The following HSF5 variants were observed in gnomAD, a reference collection of about 807,000 sequenced individuals.
HSF5 encodes heat shock transcription factor 5.
Under a neutral mutation model 50.8 loss-of-function variants are expected in HSF5, and 5 were observed. The ratio of observed to expected loss-of-function variants is 0.10; its 90% confidence interval spans 0.05 to 0.21. The LOEUF (loss-of-function observed/expected upper bound fraction) is 0.21, where lower values mean the gene tolerates loss of function less well. Among genes scored for constraint, HSF5 ranks in the 10% least tolerant of loss-of-function variants. The pLI is 1.00. For missense variants in HSF5, 564 were observed against 762.6 expected (o/e 0.74, Z 3.07); for synonymous variants, 307 against 307.4 (o/e 1.00, Z 0.02).
chr17:58,446,457 T>C (rs1224733602), intron 5 of HSF5, among the ~76,000 whole-genome samples: 1 of 152,134 alleles, frequency 6.6e-6, no homozygotes, highest in East Asian at 1.9e-4. Flanking sequence ...CATTTGAACT[T>C]AGTACTGGTG....
At chr17:58,480,614 G>A (rs1308002009) in intron 1 of HSF5, among the ~76,000 whole-genome samples, 3 of 151,954 alleles carry the variant, frequency 2.0e-5, no homozygotes, top group African/African-American at 7.3e-5. Context: ...TTTTTCCAAC[G>A]TGTAAGCTAC....
intron 3 of HSF5, among the ~76,000 whole-genome samples, chr17:58,466,478 C>T (rs1371200638): frequency 6.6e-6 from 1 of 152,090 alleles, no homozygotes; most frequent in South Asian, 2.1e-4. Context: ...AATTCAGTAC[C>T]CATAAGCCAT....
At chr17:58,443,494 G>A (rs966528967) in intron 5 of HSF5, among the ~76,000 whole-genome samples, 1 of 152,106 alleles carries the variant, frequency 6.6e-6, no homozygotes, top group African/African-American at 2.4e-5. Flanking sequence ...CAACTTGCCT[G>A]CTCTCGAGCC....
rs141434036 is a variant in HSF5, at chr17:58,439,275, A to C, written c.1721-16845T>G. 6.2e-3 allele frequency among the ~76,000 whole-genome samples: 908 copies of C among 146,902 alleles called. 5 individuals are homozygous for C. Among genetic ancestry groups the C allele is most frequent in the African/African-American group, 1.0e-2 (407 of 40,800 alleles). ...AATAGGGAAGAAAGCCAATGGAAAA[A>C]AAAAACAAAAACAACAACAACCAAA... On this transcript the variant is annotated intron_variant, in intron 5 of 5. Transcript: ENST00000323777.
chr17:58,439,890 A>G (rs1303217619), intron 5 of HSF5, among the ~76,000 whole-genome samples: 8 of 152,338 alleles, frequency 5.3e-5, no homozygotes, highest in African/African-American at 1.9e-4. Context: ...ACAAAATTGA[A>G]AGAAAAAAAC....
Position 58,445,082 on chromosome 17 carries a change from C to T in HSF5, c.1720+13686G>A, listed in dbSNP as rs73317753. On this transcript the variant is annotated intron_variant, in intron 5 of 5. Transcript: ENST00000323777. ...TCACTGAGATGGCTACTTACAGAAG[C>T]CTTCCTTAAAAAAATCCAGGAAATA... 8.9e-3 allele frequency among the ~76,000 whole-genome samples: 1,348 copies of T among 152,112 alleles called. 22 individuals are homozygous for T. The highest frequency in any genetic ancestry group is 0.03 in the African/African-American group (1,250 of 41,492).
At chr17:58,439,980 A>T (rs1567907629) in intron 5 of HSF5, among the ~76,000 whole-genome samples, 2 of 148,732 alleles carry the variant, frequency 1.3e-5, no homozygotes, top group Non-Finnish European at 3.0e-5. Flanking sequence ...AGAGGTAAGA[A>T]TTTTTTTTTT....
chr17:58,451,238 T>C (rs998436052), intron 5 of HSF5, among the ~76,000 whole-genome samples: 17 of 152,212 alleles, frequency 1.1e-4, no homozygotes, highest in African/African-American at 4.1e-4. Context: ...AAAATAATAA[T>C]AGTAGAGGAC....
chr17:58,428,021 A>G (rs1974316822), intron 5 of HSF5, among the ~76,000 whole-genome samples: 1 of 152,258 alleles, frequency 6.6e-6, no homozygotes, highest in Non-Finnish European at 1.5e-5. Flanking sequence ...ATAAAACTTT[A>G]TGGACATTGA....
At chr17:58,442,233 G>A (rs1203431111) in intron 5 of HSF5, among the ~76,000 whole-genome samples, 2 of 152,166 alleles carry the variant, frequency 1.3e-5, no homozygotes, top group African/African-American at 4.8e-5. Context: ...GTGGGTACAT[G>A]GTCACCTAGC....
intron 5 of HSF5, among the ~76,000 whole-genome samples, chr17:58,434,279 T>C (rs1224733921): frequency 6.6e-6 from 1 of 151,778 alleles, no homozygotes; most frequent in Non-Finnish European, 1.5e-5. Context: ...TTATCTAACA[T>C]AAAAGATAAA....
intron 5 of HSF5, among the ~76,000 whole-genome samples, chr17:58,455,232 C>T (rs192325868): frequency 1.6e-4 from 25 of 152,244 alleles, no homozygotes; most frequent in African/African-American, 1.9e-4. Context: ...GGAGAAAGGA[C>T]GGTCTCCTCA....
rs773735084 is a variant in HSF5, at chr17:58,463,064, T to C, written c.1260A>G (p.Pro420=). The change falls in exon 4 of 6, where the codon CCA becomes CCG. Residue 420 remains proline, a synonymous_variant. Coordinates refer to ENST00000323777, the MANE Select transcript of HSF5 (RefSeq NM_001080439.3). ...HILANSNNSN[P]CSASQASQLE... ...GCTGGCTAGCCTGACTTGCAGAACA[T>C]GGATTGCTGTTGTTAGAATTAGCTA... The C allele has an allele frequency of 5.6e-6, 9 of 1,614,234 alleles. No individual in the cohort carries two copies. Among genetic ancestry groups the C allele is most frequent in the Non-Finnish European group, 6.8e-6 (8 of 1,180,046 alleles).
intron 2 of HSF5, among the ~76,000 whole-genome samples, chr17:58,473,828 T>C (rs1417921880): frequency 6.6e-6 from 1 of 152,206 alleles, no homozygotes; most frequent in Non-Finnish European, 1.5e-5. Flanking sequence ...TTACTGGTTA[T>C]ACTATTTGAA....
At chr17:58,485,196 G>A (rs184787140) in intron 1 of HSF5, among the ~76,000 whole-genome samples, 57 of 151,794 alleles carry the variant, frequency 3.8e-4, no homozygotes, top group African/African-American at 1.3e-3. Context: ...CTTGTGATCC[G>A]CCTGCCTGGG....
rs755489108 is a variant in HSF5, at chr17:58,422,391, C to T, written c.1760G>A (p.Arg587His). 23 of 1,613,854 alleles carry T rather than the reference C, an allele frequency of 1.4e-5. No individual in the cohort carries two copies. Among genetic ancestry groups the T allele is most frequent in the Middle Eastern group, 1.6e-4 (1 of 6,084 alleles). The stretch of plus-strand genomic sequence containing the variant: ...TTTTAATTCTTCCTCCTTTGGAAAG[C>T]GCTCCTGCTTGCAGGCCACGTCCAC... ...LLVDVACKQE[R>H]FPKEEELKE Residue 587 changes from arginine (R) to histidine (H), a missense_variant, in exon 6 of 6, where the codon CGC becomes CAC. Transcript: ENST00000323777.
intron 5 of HSF5, among the ~76,000 whole-genome samples, chr17:58,438,104 G>A (rs769768293): frequency 5.3e-5 from 8 of 150,518 alleles, no homozygotes; most frequent in Non-Finnish European, 1.0e-4. Context: ...CAATCAAATT[G>A]CCAAAAAAAA....
At chr17:58,455,059 C>T (rs1258820238) in intron 5 of HSF5, among the ~76,000 whole-genome samples, 2 of 152,102 alleles carry the variant, frequency 1.3e-5, no homozygotes, top group African/African-American at 4.8e-5. Flanking sequence ...AGGCATCACC[C>T]TACCTGATTT....
At chr17:58,444,867 A>T (rs1039244006) in intron 5 of HSF5, among the ~76,000 whole-genome samples, 3 of 152,138 alleles carry the variant, frequency 2.0e-5, no homozygotes, top group Admixed American at 6.5e-5. Flanking sequence ...TGTTTTAAAA[A>T]CTCCTACAAC....
Sources: gnomAD v4.1 joint callset for allele counts (sites outside exome capture counted in the v4.1 genomes callset) on GRCh38, gnomAD v4.1.1 for gene constraint, MANE v1.5 for transcripts, NCBI Gene and HGNC (gene_info 2026-07-23, HGNC 2026-07-21) for gene names.